MAP2K4: variants seen among roughly 807,000 people sequenced by gnomAD.
The protein encoded by MAP2K4 is mitogen-activated protein kinase kinase 4, also known as dual specificity mitogen-activated protein kinase kinase 4.
In MAP2K4, 4 loss-of-function variants were observed where a neutral mutation model predicts 48.5. The ratio of observed to expected loss-of-function variants is 0.08; its 90% CI spans 0.04 to 0.19. The LOEUF (loss-of-function observed/expected upper bound fraction) is 0.19. Ranked by LOEUF, MAP2K4 falls within the 10% of genes least tolerant of loss-of-function variation. MAP2K4 has a pLI of 1.00. For missense variants in MAP2K4, 258 were observed against 493.3 expected (o/e 0.52, Z 4.52); for synonymous variants, 166 against 173.1 (o/e 0.96, Z 0.32).
intron 1 of MAP2K4, among the ~76,000 whole-genome samples, chr17:12,043,469 C>T (rs1169249993): frequency 1.3e-5 from 2 of 152,168 alleles, no homozygotes; most frequent in East Asian, 3.9e-4. Context: ...TCAAGATTCT[C>T]CTCACTTAGG....
At chr17:12,099,334 T>C (rs1238789708) in intron 4 of MAP2K4, among the ~76,000 whole-genome samples, 1 of 152,292 alleles carries the variant, frequency 6.6e-6, no homozygotes, top group African/African-American at 2.4e-5. Flanking sequence ...CTATTATACA[T>C]AGTGCTGCCA....
intron 1 of MAP2K4, among the ~76,000 whole-genome samples, chr17:12,023,395 TC>T (rs1369677873): frequency 6.6e-6 from 1 of 152,196 alleles, no homozygotes; most frequent in Non-Finnish European, 1.5e-5. Context: ...ATACTGTACT[TC>T]ATCTGCCAAG....
At chr17:12,134,565 A>C (rs1038827495) in intron 9 of MAP2K4, among the ~76,000 whole-genome samples, 1 of 152,252 alleles carries the variant, frequency 6.6e-6, no homozygotes, top group African/African-American at 2.4e-5. Context: ...AGAAAAATCC[A>C]AAATATTCTA....
At chr17:12,095,438 A>G in intron 3 of MAP2K4, 137 bp from the exon 4 acceptor site, 5 of 878,234 alleles carry the variant, frequency 5.7e-6, no homozygotes, top group Non-Finnish European at 9.2e-6. Context: ...AAAGATGATA[A>G]TTTTCATATC....
At chr17:12,089,661 C>G (rs1302667390) in intron 3 of MAP2K4, among the ~76,000 whole-genome samples, 2 of 152,172 alleles carry the variant, frequency 1.3e-5, no homozygotes, top group Non-Finnish European at 2.9e-5. Context: ...ATCTCCTACT[C>G]TGCTCTTACT....
intron 3 of MAP2K4, among the ~76,000 whole-genome samples, chr17:12,089,240 G>A (rs1321250675): frequency 6.6e-6 from 1 of 152,084 alleles, no homozygotes; most frequent in Non-Finnish European, 1.5e-5. Context: ...GGTAACCTTA[G>A]ATGATAGTAG....
intron 7 of MAP2K4, chr17:12,115,539 G>C: frequency 1.9e-6 from 1 of 520,686 alleles, no homozygotes; most frequent in Non-Finnish European, 3.4e-6. Context: ...GTGACGGGCC[G>C]GAGAAAGATG....
At chr17:12,097,313 C>A (rs1198428146) in intron 4 of MAP2K4, among the ~76,000 whole-genome samples, 3 of 152,230 alleles carry the variant, frequency 2.0e-5, no homozygotes, top group Admixed American at 6.5e-5. Context: ...TTCCCCAGCT[C>A]TGCCTGAACC....
At chr17:12,066,952 C>G (rs956250041) in intron 2 of MAP2K4, among the ~76,000 whole-genome samples, 4 of 152,192 alleles carry the variant, frequency 2.6e-5, no homozygotes, top group Non-Finnish European at 5.9e-5. Context: ...GCTGGGATTA[C>G]AGGCGTGAGC....
chr17:12,137,734 A>G lies in MAP2K4; in HGVS notation c.1041-2105A>G, dbSNP rs116880740. ...GAAAACATTTGAGAACTGATTTAGT[A>G]TAGGTTTTCAGATTGAAAGTGAAGT... On this transcript the variant is annotated intron_variant, in intron 9 of 10. Transcript: ENST00000353533. 6.2e-3 allele frequency among the ~76,000 whole-genome samples: 950 copies of G among 152,296 alleles called. 2 individuals carry two copies. The highest frequency in any genetic ancestry group is 0.036 in the East Asian group (188 of 5,186).
intron 7 of MAP2K4, among the ~76,000 whole-genome samples, chr17:12,116,771 A>G (rs56354153): frequency 0.18 from 27,162 of 152,126 alleles, 2,728 homozygotes; most frequent in Middle Eastern, 0.31. Flanking sequence ...TATGATATCA[A>G]TGCCTTCTTT....
chr17:12,036,689 G>C (rs542984281), intron 1 of MAP2K4: 1 of 146,846 alleles, frequency 6.8e-6, no homozygotes, highest in Admixed American at 7.1e-5. Context: ...ATTTACCTTA[G>C]TGTTGTCAGC....
intron 9 of MAP2K4, among the ~76,000 whole-genome samples, chr17:12,137,713 A>C (rs1973249651): frequency 6.6e-6 from 1 of 152,182 alleles, no homozygotes; most frequent in Non-Finnish European, 1.5e-5. Context: ...GGGAAAGAAA[A>C]CATTTGAGAA....
intron 1 of MAP2K4, among the ~76,000 whole-genome samples, chr17:12,032,047 A>G (rs1386803364): frequency 6.6e-6 from 1 of 152,126 alleles, no homozygotes. Context: ...CACAATTTAA[A>G]CTTGATTTCA....
intron 8 of MAP2K4, among the ~76,000 whole-genome samples, chr17:12,127,996 G>C (rs1972903860): frequency 6.6e-6 from 1 of 152,202 alleles, no homozygotes; most frequent in South Asian, 2.1e-4. Flanking sequence ...TCAGTCACCT[G>C]TCAGTGCATG....
chr17:12,065,588 C>T (rs1186214682), intron 2 of MAP2K4, among the ~76,000 whole-genome samples: 2 of 152,122 alleles, frequency 1.3e-5, no homozygotes, highest in Non-Finnish European at 2.9e-5. Context: ...GCATGAGCCA[C>T]TGCGCCTGGC....
At chr17:12,131,048 C>G (rs1442358366) in intron 9 of MAP2K4, among the ~76,000 whole-genome samples, 1 of 151,766 alleles carries the variant, frequency 6.6e-6, no homozygotes, top group African/African-American at 2.4e-5. Context: ...TCCAAAGGGC[C>G]ATAGAATATA....
At chr17:12,108,602 C>T (rs1972204836) in intron 5 of MAP2K4, among the ~76,000 whole-genome samples, 1 of 151,718 alleles carries the variant, frequency 6.6e-6, no homozygotes, top group South Asian at 2.1e-4. Context: ...TTTTATAGAG[C>T]AAAATTCATA....
intron 3 of MAP2K4, among the ~76,000 whole-genome samples, chr17:12,083,712 C>T (rs918447488): frequency 5.3e-5 from 8 of 152,162 alleles, no homozygotes; most frequent in African/African-American, 1.9e-4. Context: ...TTAAAGAATG[C>T]ATTTATTATT....
Sources: allele counts gnomAD v4.1 joint callset (sites outside exome capture counted in the v4.1 genomes callset), GRCh38; gene constraint gnomAD v4.1.1; transcripts MANE v1.5; gene names NCBI Gene and HGNC (gene_info 2026-07-23, HGNC 2026-07-21).